Variants in TMEM117 observed in about 807,000 individuals in gnomAD.
TMEM117 encodes the protein transmembrane protein 117.
A neutral mutation model predicts 52.4 loss-of-function variants in TMEM117; 27 were observed. The ratio of observed to expected loss-of-function variants is 0.51; its 90% CI spans 0.38 to 0.71. The LOEUF is 0.71. Among genes scored for constraint, TMEM117 ranks in the 30% least tolerant of loss-of-function variants. The probability of loss-of-function intolerance (pLI) is 0.00; values close to 1 mark genes in which losing one functional copy is unlikely to be tolerated. For missense variants in TMEM117, 556 were observed against 630.5 expected (o/e 0.88, Z 1.26); for synonymous variants, 215 against 206.3 (o/e 1.04, Z -0.36).
At chr12:43,951,728 G>C (rs951451113) in intron 3 of TMEM117, among the ~76,000 whole-genome samples, 1 of 152,092 alleles carries the variant, frequency 6.6e-6, no homozygotes, top group African/African-American at 2.4e-5. Flanking sequence ...GCTCTGAAGA[G>C]ATTGATGAGG....
chr12:44,053,910 T>C (rs939833581), intron 3 of TMEM117, among the ~76,000 whole-genome samples: 8 of 152,200 alleles, frequency 5.3e-5, no homozygotes, highest in Non-Finnish European at 2.9e-5. Flanking sequence ...AACAGAACTA[T>C]TGCAACATGA....
At chr12:44,320,621 T>TA (rs2138698134) in intron 6 of TMEM117, among the ~76,000 whole-genome samples, 1 of 152,322 alleles carries the variant, frequency 6.6e-6, no homozygotes, top group African/African-American at 2.4e-5. Flanking sequence ...AGTACAGACC[T>TA]TTGCATGTGC....
intron 2 of TMEM117, among the ~76,000 whole-genome samples, chr12:43,919,574 A>G (rs1486072555): frequency 6.6e-6 from 1 of 152,116 alleles, no homozygotes; most frequent in Non-Finnish European, 1.5e-5. Flanking sequence ...TAGCTTGTTT[A>G]TATAGCTTGG....
intron 6 of TMEM117, among the ~76,000 whole-genome samples, chr12:44,345,738 C>T (rs1057329129): frequency 6.6e-6 from 1 of 152,086 alleles, no homozygotes; most frequent in Non-Finnish European, 1.5e-5. Context: ...TATTTATTTA[C>T]TTATTTCCTG....
intron 5 of TMEM117, 52 bp from the exon 6 acceptor site, chr12:44,299,528 G>T: frequency 6.3e-7 from 1 of 1,596,840 alleles, no homozygotes; most frequent in Non-Finnish European, 8.6e-7. Flanking sequence ...GCACTCTCTA[G>T]TATCTATATT....
chr12:43,945,362 G>A (rs1032728815), intron 3 of TMEM117, among the ~76,000 whole-genome samples: 3 of 152,128 alleles, frequency 2.0e-5, no homozygotes, highest in Non-Finnish European at 4.4e-5. Flanking sequence ...GTCAGCCAGG[G>A]CTGGAGTGCA....
At chr12:44,261,985 G>T (rs1229248180) in intron 5 of TMEM117, among the ~76,000 whole-genome samples, 1 of 152,154 alleles carries the variant, frequency 6.6e-6, no homozygotes, top group African/African-American at 2.4e-5. Flanking sequence ...TAATGAAATG[G>T]AATGTAAACA....
intron 4 of TMEM117, among the ~76,000 whole-genome samples, chr12:44,200,753 T>A (rs1257707180): frequency 6.6e-6 from 1 of 152,156 alleles, no homozygotes; most frequent in African/African-American, 2.4e-5. Flanking sequence ...GGAAACATGA[T>A]GGTTACTGAT....
chr12:44,358,435 G>C (rs1951680545), intron 6 of TMEM117, among the ~76,000 whole-genome samples: 1 of 152,076 alleles, frequency 6.6e-6, no homozygotes, highest in Non-Finnish European at 1.5e-5. Context: ...GTGAACAAAT[G>C]GATAGGTGAT....
At chr12:44,341,380 G>A (rs566745159) in intron 6 of TMEM117, among the ~76,000 whole-genome samples, 14 of 152,116 alleles carry the variant, frequency 9.2e-5, no homozygotes, top group African/African-American at 1.4e-4. Context: ...ATTTCCCTGC[G>A]TCTAACTTAG....
At chr12:44,376,424 C>G in intron 6 of TMEM117, 171 bp from the exon 7 acceptor site, 1 of 774,984 alleles carries the variant, frequency 1.3e-6, no homozygotes, top group Non-Finnish European at 2.2e-6. Context: ...TGAATGCATA[C>G]TGCTACCTAA....
intron 5 of TMEM117, among the ~76,000 whole-genome samples, chr12:44,286,484 A>G (rs1426311298): frequency 6.6e-6 from 1 of 152,160 alleles, no homozygotes; most frequent in Non-Finnish European, 1.5e-5. Flanking sequence ...GTTAACCACC[A>G]TAAATGAGTC....
chr12:44,068,111 T>C (rs1427083062), intron 3 of TMEM117, among the ~76,000 whole-genome samples: 5 of 152,190 alleles, frequency 3.3e-5, no homozygotes, highest in Non-Finnish European at 7.3e-5. Context: ...TCGTCACTTT[T>C]TTCAGCCTTC....
intron 3 of TMEM117, among the ~76,000 whole-genome samples, chr12:43,966,995 AG>A (rs1205849136): frequency 1.3e-5 from 2 of 152,210 alleles, no homozygotes; most frequent in Non-Finnish European, 2.9e-5. Context: ...GCAGCCTCTG[AG>A]ATGGTCTCAG....
chr12:44,250,135 C>T (rs1295481446), intron 5 of TMEM117, among the ~76,000 whole-genome samples: 1 of 150,740 alleles, frequency 6.6e-6, no homozygotes, highest in Non-Finnish European at 1.5e-5. Flanking sequence ...GGAACTTAAA[C>T]AAATTTACAG....
chr12:43,806,144 G>A, the TMEM117 span: 13 of 1,531,552 alleles, frequency 8.5e-6, no homozygotes, highest in Admixed American at 5.9e-5. Flanking sequence ...CTCCAGCCCT[G>A]CCGGTCCTGC....
intron 4 of TMEM117, among the ~76,000 whole-genome samples, chr12:44,196,722 A>G (rs1441408915): frequency 2.0e-5 from 3 of 152,196 alleles, no homozygotes; most frequent in African/African-American, 7.2e-5. Context: ...TAAGTTTTCT[A>G]TTATGAATAT....
In TMEM117 at chr12:44,361,441, G is replaced by A. The variant is rs1007443918; in HGVS notation, c.769-15154G>A. 3.9e-5 allele frequency among the ~76,000 whole-genome samples: 6 copies of A among 152,280 alleles called. No homozygotes were observed. The South Asian group carries it at 1.2e-3, about 32-fold the overall frequency. ...ACAATGCTTCCATATTATCCTGTAA[G>A]TATTGTTTAACTTGTTTGCCTCTTC... On this transcript the variant is annotated intron_variant, in intron 6 of 7. Transcript: ENST00000266534.
At chr12:44,090,932 A>T (rs898695298) in intron 3 of TMEM117, among the ~76,000 whole-genome samples, 2 of 140,724 alleles carry the variant, frequency 1.4e-5, no homozygotes, top group Non-Finnish European at 3.0e-5. Flanking sequence ...TTACCTCTCT[A>T]TGTTAAGGTA....
Sources: allele counts gnomAD v4.1 joint callset (sites outside exome capture counted in the v4.1 genomes callset), GRCh38; gene constraint gnomAD v4.1.1; transcripts MANE v1.5; gene names NCBI Gene and HGNC (gene_info 2026-07-23, HGNC 2026-07-21).